The following ZNF607 variants were observed in gnomAD, a reference collection of about 807,000 sequenced individuals.
The protein encoded by ZNF607 is zinc finger protein 607.
ZNF607 carries 5 observed loss-of-function variants against 12.8 expected under a neutral mutation model. The observed-to-expected ratio is 0.39, with a 90% CI of 0.20 to 0.82. The LOEUF (loss-of-function observed/expected upper bound fraction) is 0.82. ZNF607 is among the 40% of genes least tolerant of loss of function. The pLI, the probability that ZNF607 is intolerant of heterozygous loss-of-function variation, is 0.39. For synonymous variants in ZNF607, 287 were observed against 276.2 expected (o/e 1.04, Z -0.39); for missense variants, 851 against 859.2 (o/e 0.99, Z 0.12).
chr19:37,701,221 G>C (rs73932942), intron 4 of ZNF607, among the ~76,000 whole-genome samples: 39 of 152,308 alleles, frequency 2.6e-4, no homozygotes, highest in African/African-American at 9.4e-4. Flanking sequence ...AAGACTTAGA[G>C]TTGTGAGTAA....
intron 3 of ZNF607, 77 bp downstream of exon 3, chr19:37,709,619 C>A: frequency 6.6e-7 from 1 of 1,506,922 alleles, no homozygotes. Flanking sequence ...CCCTGAAAAC[C>A]ACAACAGAAA....
chr19:37,711,539 A>G, intron 2 of ZNF607, 71 bp downstream of exon 2: 1 of 1,534,222 alleles, frequency 6.5e-7, no homozygotes, highest in Non-Finnish European at 9.0e-7. Context: ...CTTCAGGAAA[A>G]ATGATGAGAA....
chr19:37,698,726 T>C lies in ZNF607; in HGVS notation c.1405A>G (p.Arg469Gly), dbSNP rs139045449. The part of the protein sequence containing the change: ...RCASYLVIHE[R>G]IHTGEKPYVC... ...TAGGGTTTCTCTCCTGTATGAATTC[T>C]CTCATGTATAACAAGATATGAGGCA... The change falls in exon 5 of 5, where the codon AGA becomes GGA. Residue 469 changes from arginine (R) to glycine (G), a missense_variant. By Grantham distance (125) the Arg-to-Gly change is moderately radical. Coordinates refer to ENST00000355202, the MANE Select transcript of ZNF607 (RefSeq NM_032689.5). 1.2e-3 allele frequency: 1,901 copies of C among 1,613,226 alleles called. 1 individual carries two copies. The highest frequency in any genetic ancestry group is 1.5e-3 in the Non-Finnish European group (1,808 of 1,179,376).
At chr19:37,701,192 AAAAG>A (rs1382574334) in intron 4 of ZNF607, among the ~76,000 whole-genome samples, 3 of 152,234 alleles carry the variant, frequency 2.0e-5, no homozygotes, top group Non-Finnish European at 4.4e-5. Context: ...TATAATTAAA[AAAAG>A]AAAGGAAGTC....
At position 37,697,624 on chromosome 19, in the gene ZNF607, C is replaced by T. The variant is rs2044987855; in HGVS notation, c.*416G>A. ...GGCTAAATAGCCTTTCCCATCATCG[C>T]TTATATCAACAGAGGTTTCCTGTGT... On this transcript the variant is annotated 3_prime_UTR_variant, in exon 5 of 5. Transcript: ENST00000355202. 1 of 397,666 alleles carries T rather than the reference C, an allele frequency of 2.5e-6. No homozygotes were observed. Among genetic ancestry groups the T allele is most frequent in the East Asian group, 5.0e-5 (1 of 20,152 alleles). The allele number at this position is 397,666 out of a possible 1,614,324, so 24.6% of individuals were successfully genotyped here. A position where few individuals can be genotyped will look rare whatever the true frequency, so the allele number is the denominator to read the frequency against.
In ZNF607 at chr19:37,709,785, G is replaced by A; in HGVS notation, c.47C>T (p.Ser16Phe). The A allele has an allele frequency of 3.7e-6, 6 of 1,614,042 alleles. No individual in the cohort carries two copies. The highest frequency in any genetic ancestry group is 5.1e-6 in the Non-Finnish European group (6 of 1,179,942). The change falls in exon 3 of 5, where the codon TCT becomes TTT. Residue 16 changes from serine (S) to phenylalanine (F), a missense_variant. Ser to Phe is a radical substitution (Grantham distance 155, BLOSUM62 -2). Coordinates refer to ENST00000355202, the MANE Select transcript of ZNF607 (RefSeq NM_032689.5). Reference protein sequence around the residue: ...ITFGDVAIDFSHQEWEYLSLV... With the variant: ...ITFGDVAIDFFHQEWEYLSLV... ...GCTGAGATATTCCCACTCCTGATGAGAGAAGTCTATGGCCACATCCCCGAA... is the reference window on the plus strand; with the variant it reads ...GCTGAGATATTCCCACTCCTGATGAAAGAAGTCTATGGCCACATCCCCGAA...
Position 37,699,036 on chromosome 19 carries a change from A to G in ZNF607, c.1095T>C (p.Tyr365=). 3 of 1,613,960 alleles carry G rather than the reference A, an allele frequency of 1.9e-6. No homozygotes were observed. Among genetic ancestry groups the G allele is most frequent in the Non-Finnish European group, 2.5e-6 (3 of 1,179,984 alleles). The change falls in exon 5 of 5, where the codon TAT becomes TAC. Residue 365 remains tyrosine (Y), a synonymous_variant. Coordinates refer to ENST00000355202, the MANE Select transcript of ZNF607 (RefSeq NM_032689.5). The stretch of plus-strand genomic sequence containing the variant: ...AGGCTTTCCCACATTCCTCACACTT[A>G]TAAGGTTTCTCAACACTTTCAAATG... ...PHTFESVEKP[Y]KCEECGKAFS...
chr19:37,701,263 G>T (rs955932740), intron 4 of ZNF607, among the ~76,000 whole-genome samples: 2 of 152,158 alleles, frequency 1.3e-5, no homozygotes, highest in Non-Finnish European at 2.9e-5. Context: ...TGTTGAATAT[G>T]AATTCTAAAT....
chr19:37,709,886 G>C, intron 2 of ZNF607, 64 bp from the exon 3 acceptor site: 1 of 1,580,156 alleles, frequency 6.3e-7, no homozygotes, highest in East Asian at 2.3e-5. Context: ...GCCGGGCACT[G>C]TGGCTCACGC....
At chr19:37,719,127 G>A (rs1381096147) in intron 1 of ZNF607, 142 bp downstream of exon 1, 1 of 152,764 alleles carries the variant, frequency 6.5e-6, no homozygotes, top group Non-Finnish European at 1.5e-5. Context: ...TTTCTCTGTT[G>A]TAGTCGTACT....
At chr19:37,702,651 T>C (rs2045049192) in intron 4 of ZNF607, among the ~76,000 whole-genome samples, 1 of 152,138 alleles carries the variant, frequency 6.6e-6, no homozygotes, top group South Asian at 2.1e-4. Flanking sequence ...GTAAATAAAA[T>C]AATTTTTTGC....
chr19:37,710,023 C>T (rs1189777925), intron 2 of ZNF607, among the ~76,000 whole-genome samples: 4 of 152,016 alleles, frequency 2.6e-5, no homozygotes, highest in African/African-American at 4.8e-5. Flanking sequence ...GGTGTGGTGG[C>T]GCATGCCTGC....
At position 37,697,932 on chromosome 19, in the gene ZNF607, CT is replaced by C. The variant is rs2044990921; in HGVS notation, c.*107del. ...AAATTGATGCCTAATAAAAACTGAA[CT>C]GTATCTCAAAGCCATTCCACATTGT... is the stretch of plus-strand genomic sequence containing the variant. On this transcript the variant is annotated 3_prime_UTR_variant, in exon 5 of 5. Transcript: ENST00000355202. 2.7e-6 allele frequency: 3 copies of C among 1,116,994 alleles called. No individual in the cohort carries two copies. The highest frequency in any genetic ancestry group is 2.5e-6 in the Non-Finnish European group (2 of 790,812). 69.2% of individuals were successfully genotyped at this position (1,116,994 alleles called of 1,614,324 possible). A position where few individuals can be genotyped will look rare whatever the true frequency, so the allele number is the denominator to read the frequency against.
At chr19:37,714,127 T>C (rs578199755) in intron 1 of ZNF607, among the ~76,000 whole-genome samples, 36 of 152,076 alleles carry the variant, frequency 2.4e-4, no homozygotes, top group African/African-American at 8.7e-4. Flanking sequence ...CAGACCATCC[T>C]GGCTAACACA....
intron 1 of ZNF607, among the ~76,000 whole-genome samples, chr19:37,713,110 T>G (rs999589227): frequency 7.9e-5 from 12 of 151,912 alleles, no homozygotes; most frequent in Non-Finnish European, 1.5e-4. Flanking sequence ...ATCATTACAG[T>G]GAAAACTACA....
At chr19:37,710,525 T>C (rs1039513379) in intron 2 of ZNF607, among the ~76,000 whole-genome samples, 1 of 150,306 alleles carries the variant, frequency 6.7e-6, no homozygotes. Context: ...AAGGAGTGCA[T>C]TGCAGCAGAA....
chr19:37,705,520 A>C (rs915008208), intron 4 of ZNF607, among the ~76,000 whole-genome samples: 36 of 151,988 alleles, frequency 2.4e-4, no homozygotes, highest in African/African-American at 8.5e-4. Flanking sequence ...CCCTGTCTCT[A>C]CTAAAAATAC....
intron 4 of ZNF607, among the ~76,000 whole-genome samples, chr19:37,704,238 C>T (rs536801260): frequency 6.6e-6 from 1 of 152,080 alleles, no homozygotes; most frequent in African/African-American, 2.4e-5. Flanking sequence ...TAAAAATATA[C>T]AAGATTTGCA....
rs17845437 is a variant in ZNF607, at chr19:37,698,716, G to A, written c.1415C>T (p.Thr472Ile). The A allele has an allele frequency of 4.3e-5, 70 of 1,613,022 alleles. No homozygotes were observed. The South Asian group carries it at 6.7e-4, about 15-fold the overall frequency. Residue 472 changes from threonine (T) to isoleucine (I), a missense_variant, in exon 5 of 5, where the codon ACA becomes ATA. By Grantham distance (89) the Thr-to-Ile change is moderately conservative. Coordinates refer to ENST00000355202, the MANE Select transcript of ZNF607 (RefSeq NM_032689.5). ...TTGACATACATAGGGTTTCTCTCCT[G>A]TATGAATTCTCTCATGTATAACAAG... ...SYLVIHERIH[T>I]GEKPYVCQEC...
Sources: gnomAD v4.1 joint callset for allele counts (sites outside exome capture counted in the v4.1 genomes callset) on GRCh38, gnomAD v4.1.1 for gene constraint, MANE v1.5 for transcripts, NCBI Gene and HGNC (gene_info 2026-07-23, HGNC 2026-07-21) for gene names.